Variants in BEND2 observed in about 807,000 individuals in gnomAD.
The protein encoded by BEND2 is BEN domain-containing protein 2.
BEND2 carries 19 observed loss-of-function variants against 43.8 expected under a neutral mutation model. That is an observed-to-expected ratio of 0.43 (90% CI 0.30 to 0.64). The LOEUF (loss-of-function observed/expected upper bound fraction) is 0.64. BEND2 is among the 30% of genes least tolerant of loss of function. BEND2 has a pLI of 0.11. For missense variants in BEND2, 544 were observed against 574.0 expected (o/e 0.95, Z 0.53); for synonymous variants, 226 against 210.1 (o/e 1.08, Z -0.66).
chrX:18,193,071 C>G (rs967703943), intron 7 of BEND2, among the ~76,000 whole-genome samples: 9 of 112,206 alleles, frequency 8.0e-5, no homozygotes, highest in East Asian at 5.6e-4. Context: ...AATCCCAGCA[C>G]TTTGGGAGGC....
intron 8 of BEND2, among the ~76,000 whole-genome samples, chrX:18,184,043 G>A (rs1156452596): frequency 2.7e-5 from 3 of 111,499 alleles, no homozygotes; most frequent in Non-Finnish European, 5.7e-5. Flanking sequence ...CGGTTACAGC[G>A]AGCCTTGGGC....
At position 18,163,433 on chromosome X, in the gene BEND2, A is replaced by G. The variant is rs953512988; in HGVS notation, c.*1576T>C. ...AATGTTAAATTTACTTCCTCTGTCT[A>G]ATTAATTACATCTTAAATGCTCAAT... On this transcript the variant is annotated 3_prime_UTR_variant, in exon 14 of 14. Transcript: ENST00000380033. 3 of 111,990 alleles carry G rather than the reference A, an allele frequency of 2.7e-5. No homozygotes were observed. The highest frequency in any genetic ancestry group is 9.7e-5 in the African/African-American group (3 of 30,879). The allele number at this position is 111,990 out of a possible 1,213,427, so 9.2% of individuals were successfully genotyped here.
intron 6 of BEND2, among the ~76,000 whole-genome samples, chrX:18,199,005 G>T (rs1383451353): frequency 1.1e-5 from 1 of 91,022 alleles, no homozygotes; most frequent in Non-Finnish European, 2.1e-5. Context: ...TGAACAATGA[G>T]AACACATGGA....
chrX:18,214,334 T>C (rs1184567357), intron 2 of BEND2, among the ~76,000 whole-genome samples: 1 of 111,493 alleles, frequency 9.0e-6, no homozygotes. Context: ...AAGTAATCTA[T>C]GGTGGGAGAA....
chrX:18,178,494 C>A (rs1328753916), intron 9 of BEND2, among the ~76,000 whole-genome samples: 1 of 111,750 alleles, frequency 8.9e-6, no homozygotes, highest in East Asian at 2.8e-4. Flanking sequence ...TAATATCTTC[C>A]ATTCTTTTTC....
intron 7 of BEND2, among the ~76,000 whole-genome samples, chrX:18,191,749 C>T (rs1924778523): frequency 8.9e-6 from 1 of 111,920 alleles, no homozygotes; most frequent in Non-Finnish European, 1.9e-5. Context: ...TGAACCTAAA[C>T]ATATGATAAA....
chrX:18,201,766 T>A, intron 6 of BEND2, 49 bp downstream of exon 6: 3 of 1,169,444 alleles, frequency 2.6e-6, no homozygotes, highest in Non-Finnish European at 3.4e-6. Flanking sequence ...GTGCTGGGAT[T>A]ACAAGTGTGA....
At chrX:18,209,599 C>A (rs1320128627) in intron 4 of BEND2, among the ~76,000 whole-genome samples, 1 of 111,931 alleles carries the variant, frequency 8.9e-6, no homozygotes, top group Non-Finnish European at 1.9e-5. Context: ...AATGCATAAT[C>A]TCGATCTATT....
At chrX:18,202,757 A>C (rs1925207538) in intron 5 of BEND2, among the ~76,000 whole-genome samples, 1 of 112,482 alleles carries the variant, frequency 8.9e-6, no homozygotes, top group Admixed American at 9.4e-5. Flanking sequence ...ACATGCAATT[A>C]ATATATAACC....
At chrX:18,202,945 C>T (rs1925213267) in intron 5 of BEND2, among the ~76,000 whole-genome samples, 1 of 111,215 alleles carries the variant, frequency 9.0e-6, no homozygotes, top group African/African-American at 3.3e-5. Flanking sequence ...TAGTACTTGG[C>T]AATAAAGGAA....
chrX:18,166,174 G>GA (rs1469747726), intron 13 of BEND2, among the ~76,000 whole-genome samples: 1 of 111,707 alleles, frequency 9.0e-6, no homozygotes, highest in African/African-American at 3.3e-5. Context: ...ATGAGTTCTG[G>GA]AAAAAATGTT....
intron 8 of BEND2, among the ~76,000 whole-genome samples, chrX:18,184,677 G>C (rs1924510743): frequency 1.8e-5 from 2 of 111,715 alleles, no homozygotes. Context: ...TACCTGGAAA[G>C]CCTTTCCAAG....
intron 8 of BEND2, 132 bp from the exon 9 acceptor site, chrX:18,180,782 T>C: frequency 2.0e-6 from 1 of 488,191 alleles, no homozygotes. Context: ...TCTTTTTTTT[T>C]TTCTTTCTTT....
chrX:18,209,775 T>G (rs1218283076), intron 4 of BEND2, among the ~76,000 whole-genome samples: 2 of 111,242 alleles, frequency 1.8e-5, no homozygotes, highest in Non-Finnish European at 3.8e-5. Context: ...ATACTAGATT[T>G]TATCCTGGAA....
chrX:18,165,374 C>G (rs1271882960), intron 13 of BEND2, 151 bp from the exon 14 acceptor site: 1 of 469,915 alleles, frequency 2.1e-6, no homozygotes, highest in African/African-American at 2.4e-5. Flanking sequence ...ATTAAATTAG[C>G]TGGACAAATC....
At position 18,216,546 on chromosome X, in the gene BEND2, A is replaced by G; in HGVS notation, c.213T>C (p.His71=). 20 of 1,206,480 alleles carry G rather than the reference A, an allele frequency of 1.7e-5. No homozygotes were observed. The highest frequency in any genetic ancestry group is 2.2e-5 in the Non-Finnish European group (20 of 890,813). ...CATATGACATTTGGAGTGGACGGTGATGGCCATCATTGCCGCCTGGAAAAT... is the reference window on the plus strand; with the variant it reads ...CATATGACATTTGGAGTGGACGGTGGTGGCCATCATTGCCGCCTGGAAAAT... The part of the protein sequence containing the change: ...QPNFPGGNDG[H]HRPLQMSYGS... The change falls in exon 2 of 14, where the codon CAT becomes CAC. Residue 71 remains histidine (H), a synonymous_variant. Coordinates refer to ENST00000380033, the MANE Select transcript of BEND2 (RefSeq NM_153346.5).
intron 2 of BEND2, 54 bp downstream of exon 2, chrX:18,216,467 G>C: frequency 9.4e-7 from 1 of 1,058,448 alleles, no homozygotes; most frequent in Non-Finnish European, 1.3e-6. Flanking sequence ...CAATTTACTG[G>C]AAATGGGGAC....
In BEND2 at chrX:18,190,768, A is replaced by T. The variant is rs112800392; in HGVS notation, c.1288+233T>A. ...CTCTCTCTCTCTCTCTCTCTCTCTC[A>T]CACACACACACACACACACACACTC... On this transcript the variant is annotated intron_variant, in intron 8 of 13. Coordinates refer to ENST00000380033, the MANE Select transcript of BEND2 (RefSeq NM_153346.5). Among the ~76,000 whole-genome samples, 2,560 of 95,213 alleles carry T rather than the reference A, an allele frequency of 0.027. 76 individuals are homozygous for T. The highest frequency in any genetic ancestry group is 0.098 in the African/African-American group (2,334 of 23,905). 82.7% of individuals were successfully genotyped at this position (95,213 alleles called of 115,157 possible).
At chrX:18,187,124 A>G (rs1278659676) in intron 8 of BEND2, among the ~76,000 whole-genome samples, 3 of 110,862 alleles carry the variant, frequency 2.7e-5, no homozygotes, top group Non-Finnish European at 5.7e-5. Context: ...AAATAACAAA[A>G]TCGCAGGAAA....
Sources: gnomAD v4.1 joint callset for allele counts (sites outside exome capture counted in the v4.1 genomes callset) on GRCh38, gnomAD v4.1.1 for gene constraint, MANE v1.5 for transcripts, NCBI Gene and HGNC (gene_info 2026-07-23, HGNC 2026-07-21) for gene names.